The following PTPRD variants were observed in gnomAD, a reference collection of about 807,000 sequenced individuals.
PTPRD encodes protein tyrosine phosphatase receptor type D, also known as receptor-type tyrosine-protein phosphatase delta.
In PTPRD, 34 loss-of-function variants were observed where a neutral mutation model predicts 214.5. That is an observed-to-expected ratio of 0.16 (90% CI 0.12 to 0.21). PTPRD has a LOEUF of 0.21. Ranked by LOEUF, PTPRD falls within the 10% of genes least tolerant of loss-of-function variation. PTPRD has a pLI of 1.00. For missense variants in PTPRD, 2,545 were observed against 2,398.7 expected (o/e 1.06, Z -1.27); for synonymous variants, 1,128 against 845.7 (o/e 1.33, Z -5.79).
intron 14 of PTPRD, among the ~76,000 whole-genome samples, chr9:8,549,211 A>G (rs2081260028): frequency 6.6e-6 from 1 of 152,184 alleles, no homozygotes; most frequent in Admixed American, 6.5e-5. Context: ...TTAGACGCAT[A>G]CTGGAGAAAC....
intron 2 of PTPRD, among the ~76,000 whole-genome samples, chr9:10,441,399 A>G (rs925598864): frequency 6.6e-6 from 1 of 151,636 alleles, no homozygotes; most frequent in Non-Finnish European, 1.5e-5. Flanking sequence ...CAAAAGTGCC[A>G]GGTTCTTTCA....
At chr9:8,792,182 G>T (rs1248723519) in intron 11 of PTPRD, among the ~76,000 whole-genome samples, 2 of 152,176 alleles carry the variant, frequency 1.3e-5, no homozygotes, top group Non-Finnish European at 2.9e-5. Context: ...TTGGACACAT[G>T]AATTTGAAGT....
In PTPRD at chr9:10,595,381, A is replaced by G. The variant is rs573830063; in HGVS notation, c.-600+17017T>C. Among the ~76,000 whole-genome samples, 11 of 152,014 alleles carry G rather than the reference A, an allele frequency of 7.2e-5. 1 individual carries two copies. The South Asian group carries it at 2.3e-3, about 31-fold the overall frequency. ...CAAATTTTCCCTCAAATAGCCAATA[A>G]TTACTTCCAAATAAGTTGGAAAAAT... On this transcript the variant is annotated intron_variant, in intron 2 of 45. Transcript: ENST00000381196.
chr9:9,998,027 C>A (rs1205455251), intron 4 of PTPRD, among the ~76,000 whole-genome samples: 1 of 151,182 alleles, frequency 6.6e-6, no homozygotes, highest in Non-Finnish European at 1.5e-5. Context: ...CTCAATATTA[C>A]CAACCACTTT....
intron 9 of PTPRD, among the ~76,000 whole-genome samples, chr9:9,384,728 T>C (rs937637994): frequency 6.6e-6 from 1 of 152,060 alleles, no homozygotes; most frequent in Admixed American, 6.6e-5. Flanking sequence ...TAAATATTAT[T>C]ATACAGACTT....
At chr9:9,563,391 G>C (rs2083468812) in intron 8 of PTPRD, among the ~76,000 whole-genome samples, 1 of 152,112 alleles carries the variant, frequency 6.6e-6, no homozygotes, top group African/African-American at 2.4e-5. Context: ...TTATTGTCAT[G>C]ATCATCAAAG....
At chr9:9,472,182 C>T (rs1221791923) in intron 8 of PTPRD, among the ~76,000 whole-genome samples, 1 of 146,890 alleles carries the variant, frequency 6.8e-6, no homozygotes, top group African/African-American at 2.5e-5. Flanking sequence ...TCTACCCCTA[C>T]TCCAATCTTT....
At chr9:8,728,995 T>A (rs2098623598) in intron 12 of PTPRD, among the ~76,000 whole-genome samples, 1 of 152,046 alleles carries the variant, frequency 6.6e-6, no homozygotes, top group South Asian at 2.1e-4. Flanking sequence ...CTAAAAAATG[T>A]ATTTTTTTCC....
rs571400419 is a variant in PTPRD, at chr9:9,919,924, A to G, written c.-368+18583T>C. On this transcript the variant is annotated intron_variant, in intron 5 of 45. Transcript: ENST00000381196. ...AATTACAGTATTTCATAAATGCAGTAATAATCTGTTACATTTGTAACACCT... is the reference window on the plus strand; with the variant it reads ...AATTACAGTATTTCATAAATGCAGTGATAATCTGTTACATTTGTAACACCT... Among the ~76,000 whole-genome samples, 6 of 152,286 alleles carry G rather than the reference A, an allele frequency of 3.9e-5. No individual in the cohort carries two copies. In the South Asian group the frequency reaches 1.2e-3, roughly 32 times the overall value.
chr9:9,524,436 C>T (rs1001447018), intron 8 of PTPRD, among the ~76,000 whole-genome samples: 1 of 152,242 alleles, frequency 6.6e-6, no homozygotes, highest in East Asian at 1.9e-4. Context: ...AGATTTATTG[C>T]TTAATACTAA....
intron 10 of PTPRD, among the ~76,000 whole-genome samples, chr9:9,167,326 G>C (rs1288336199): frequency 7.3e-6 from 1 of 137,854 alleles, no homozygotes; most frequent in Admixed American, 7.5e-5. Flanking sequence ...GCTATATGGG[G>C]TTTGTGTGTG....
chr9:9,420,115 T>C (rs1279354831), intron 8 of PTPRD, among the ~76,000 whole-genome samples: 2 of 113,502 alleles, frequency 1.8e-5, no homozygotes, highest in African/African-American at 6.5e-5. Context: ...CACTATAATA[T>C]TTATAAAATT....
intron 11 of PTPRD, among the ~76,000 whole-genome samples, chr9:8,829,896 T>C (rs2097254266): frequency 6.6e-6 from 1 of 152,214 alleles, no homozygotes; most frequent in Admixed American, 6.5e-5. Context: ...GATTAAATGC[T>C]ATTACTTGTA....
intron 2 of PTPRD, among the ~76,000 whole-genome samples, chr9:10,373,889 C>G (rs911364202): frequency 4.6e-5 from 7 of 152,080 alleles, no homozygotes; most frequent in African/African-American, 1.7e-4. Flanking sequence ...ATTTTATTCC[C>G]TATCCACTTC....
intron 8 of PTPRD, among the ~76,000 whole-genome samples, chr9:9,539,242 A>AG (rs1388933169): frequency 6.6e-6 from 1 of 151,886 alleles, no homozygotes; most frequent in African/African-American, 2.4e-5. Flanking sequence ...CTGAAGAATC[A>AG]GTGGCAGGTA....
intron 8 of PTPRD, among the ~76,000 whole-genome samples, chr9:9,436,007 G>A (rs1168294092): frequency 6.6e-6 from 1 of 152,028 alleles, no homozygotes; most frequent in Non-Finnish European, 1.5e-5. Flanking sequence ...TCACTTTCCT[G>A]TAGATATATA....
At chr9:8,700,373 A>C (rs2098047858) in intron 12 of PTPRD, among the ~76,000 whole-genome samples, 1 of 152,232 alleles carries the variant, frequency 6.6e-6, no homozygotes, top group Admixed American at 6.5e-5. Flanking sequence ...CACAATTGTC[A>C]AACAACTGCT....
intron 5 of PTPRD, among the ~76,000 whole-genome samples, chr9:9,830,477 T>C (rs1160105469): frequency 6.6e-6 from 1 of 151,906 alleles, no homozygotes; most frequent in Non-Finnish European, 1.5e-5. Context: ...TATGTACATT[T>C]ACCTTGTTTT....
At chr9:9,255,536 T>G (rs980813441) in intron 9 of PTPRD, among the ~76,000 whole-genome samples, 1 of 152,064 alleles carries the variant, frequency 6.6e-6, no homozygotes, top group Non-Finnish European at 1.5e-5. Flanking sequence ...AGAGAATGTA[T>G]GTAACATTGG....
Sources: gnomAD v4.1 joint callset for allele counts (sites outside exome capture counted in the v4.1 genomes callset) on GRCh38, gnomAD v4.1.1 for gene constraint, MANE v1.5 for transcripts, NCBI Gene and HGNC (gene_info 2026-07-23, HGNC 2026-07-21) for gene names.